Variants in CNTNAP2 observed in about 807,000 individuals in gnomAD.
The protein encoded by CNTNAP2 is contactin associated protein 2.
A neutral mutation model predicts 155.2 loss-of-function variants in CNTNAP2; 98 were observed. That is an observed-to-expected ratio of 0.63 (90% CI 0.54 to 0.75). The LOEUF (loss-of-function observed/expected upper bound fraction) is 0.75, where lower values mean the gene tolerates loss of function less well. Ranked by LOEUF, CNTNAP2 falls within the 30% of genes least tolerant of loss-of-function variation. The pLI, the probability that CNTNAP2 is intolerant of heterozygous loss-of-function variation, is 0.00. For synonymous variants in CNTNAP2, 651 were observed against 631.2 expected (o/e 1.03, Z -0.47); for missense variants, 1,727 against 1,688.1 (o/e 1.02, Z -0.40).
intron 2 of CNTNAP2, among the ~76,000 whole-genome samples, chr7:146,836,737 A>G (rs1252665543): frequency 6.6e-6 from 1 of 152,188 alleles, no homozygotes; most frequent in Non-Finnish European, 1.5e-5. Flanking sequence ...TCATGTAAAT[A>G]TGAGTTTCAA....
intron 1 of CNTNAP2, among the ~76,000 whole-genome samples, chr7:146,386,029 C>A (rs560956457): frequency 6.6e-6 from 1 of 152,218 alleles, no homozygotes; most frequent in South Asian, 2.1e-4. Flanking sequence ...GATTACTGGC[C>A]TCATTCCCTG....
At chr7:146,798,712 A>T (rs1802815355) in intron 2 of CNTNAP2, among the ~76,000 whole-genome samples, 1 of 152,184 alleles carries the variant, frequency 6.6e-6, no homozygotes, top group African/African-American at 2.4e-5. Context: ...CTGACAATGT[A>T]ACTAATACAA....
chr7:147,881,819 A>C (rs557219248), intron 13 of CNTNAP2, among the ~76,000 whole-genome samples: 1 of 152,220 alleles, frequency 6.6e-6, no homozygotes, highest in Non-Finnish European at 1.5e-5. Context: ...TAAAAATACA[A>C]AAATTAGCCA....
At chr7:146,316,880 C>G (rs550559165) in intron 1 of CNTNAP2, among the ~76,000 whole-genome samples, 1 of 152,054 alleles carries the variant, frequency 6.6e-6, no homozygotes, top group Non-Finnish European at 1.5e-5. Flanking sequence ...CACCCACCTA[C>G]GGGAGGTCGT....
At chr7:147,622,479 A>T (rs996817239) in intron 12 of CNTNAP2, among the ~76,000 whole-genome samples, 1 of 152,068 alleles carries the variant, frequency 6.6e-6, no homozygotes, top group Non-Finnish European at 1.5e-5. Flanking sequence ...TGATAACAAG[A>T]TGAATTTTTG....
At chr7:148,412,510 T>C (rs1286572944) in intron 23 of CNTNAP2, among the ~76,000 whole-genome samples, 1 of 152,396 alleles carries the variant, frequency 6.6e-6, no homozygotes, top group African/African-American at 2.4e-5. Flanking sequence ...AGTGTCTCTC[T>C]CTGGCATATA....
chr7:146,291,752 A>G, intron 1 of CNTNAP2, among the ~76,000 whole-genome samples: 1 of 152,230 alleles, frequency 6.6e-6, no homozygotes, highest in Non-Finnish European at 1.5e-5. Context: ...ATAGACTTAC[A>G]CATAAGATCT....
In CNTNAP2 at chr7:146,535,290, ATGTAT is replaced by A. The variant is rs1256575880; in HGVS notation, c.98-238980_98-238976del. Among the ~76,000 whole-genome samples, 2 of 56,718 alleles carry A rather than the reference ATGTAT, an allele frequency of 3.5e-5. 1 individual carries two copies. The highest frequency in any genetic ancestry group is 1.2e-3 in the East Asian group (2 of 1,684). The allele number at this position is 56,718 out of a possible 152,430, so 37.2% of individuals were successfully genotyped here. ...TATATATTATATATTATATTATATA[ATGTAT>A]ATTATATATGATATTATATCATATA... On this transcript the variant is annotated intron_variant, in intron 1 of 23. Transcript: ENST00000361727.
At chr7:147,877,123 A>C (rs780210585) in intron 13 of CNTNAP2, among the ~76,000 whole-genome samples, 1 of 151,662 alleles carries the variant, frequency 6.6e-6, no homozygotes, top group Non-Finnish European at 1.5e-5. Flanking sequence ...TTTGGTGTTC[A>C]GACACAACGA....
chr7:146,955,166 A>G (rs953283934), intron 3 of CNTNAP2, among the ~76,000 whole-genome samples: 3 of 151,940 alleles, frequency 2.0e-5, no homozygotes, highest in African/African-American at 7.2e-5. Flanking sequence ...ATTCACTGTT[A>G]TCATCGACTT....
chr7:148,079,033 A>G (rs75549496), intron 15 of CNTNAP2, among the ~76,000 whole-genome samples: 3,012 of 152,264 alleles, frequency 0.02, 94 homozygotes, highest in African/African-American at 0.069. Context: ...TTCTCACTGC[A>G]TATCGTTGCT....
intron 21 of CNTNAP2, among the ~76,000 whole-genome samples, chr7:148,318,518 T>G (rs1797731525): frequency 6.6e-6 from 1 of 152,108 alleles, no homozygotes; most frequent in Non-Finnish European, 1.5e-5. Flanking sequence ...GTTCAGTGAA[T>G]CCCAAAGGGC....
chr7:148,325,921 T>A (rs1179695415), intron 21 of CNTNAP2, among the ~76,000 whole-genome samples: 1 of 152,164 alleles, frequency 6.6e-6, no homozygotes, highest in Non-Finnish European at 1.5e-5. Flanking sequence ...CATGATGCCA[T>A]GTGTCTGCTA....
chr7:147,871,568 G>A (rs1316200588), intron 13 of CNTNAP2, among the ~76,000 whole-genome samples: 1 of 152,016 alleles, frequency 6.6e-6, no homozygotes, highest in African/African-American at 2.4e-5. Flanking sequence ...CCCCACTACA[G>A]CCATTACAAC....
chr7:146,535,213 GATATTATATCATAT>G (rs1260888167), intron 1 of CNTNAP2, among the ~76,000 whole-genome samples: 592 of 16,652 alleles, frequency 0.036, 3 homozygotes, highest in Middle Eastern at 0.067. Flanking sequence ...TCATATATAT[GATATTATATCATAT>G]ATATTATATC....
intron 1 of CNTNAP2, among the ~76,000 whole-genome samples, chr7:146,316,921 G>A (rs926382420): frequency 2.6e-5 from 4 of 151,682 alleles, no homozygotes; most frequent in Non-Finnish European, 5.9e-5. Context: ...CAGAAGCATA[G>A]GGGCCTTGTT....
intron 1 of CNTNAP2, among the ~76,000 whole-genome samples, chr7:146,385,140 T>C (rs898229995): frequency 2.6e-5 from 4 of 152,148 alleles, no homozygotes; most frequent in Non-Finnish European, 5.9e-5. Flanking sequence ...AATCACCATA[T>C]TCCATTTTTT....
rs1361678455 is a variant in CNTNAP2 at position 146,731,960 on chromosome 7, A to C, written c.98-42311A>C. On this transcript the variant is annotated intron_variant, in intron 1 of 23. Coordinates refer to ENST00000361727, the MANE Select transcript of CNTNAP2 (RefSeq NM_014141.6). ...CTATATATATATATAAAAGCATCCA[A>C]AATGATAGAGAATAGAGTGATATCT... Among the ~76,000 whole-genome samples, 4 of 152,116 alleles carry C rather than the reference A, an allele frequency of 2.6e-5. No individual in the cohort carries two copies. In the East Asian group the frequency reaches 5.8e-4, roughly 22 times the overall value.
chr7:146,983,588 G>A (rs1320156019), intron 3 of CNTNAP2, among the ~76,000 whole-genome samples: 10 of 152,148 alleles, frequency 6.6e-5, no homozygotes, highest in Admixed American at 6.5e-4. Flanking sequence ...TATTACATTT[G>A]AATCTTCTTT....
Sources: gnomAD v4.1 joint callset for allele counts (sites outside exome capture counted in the v4.1 genomes callset) on GRCh38, gnomAD v4.1.1 for gene constraint, MANE v1.5 for transcripts, NCBI Gene and HGNC (gene_info 2026-07-23, HGNC 2026-07-21) for gene names.